CCDC149: variants seen among roughly 807,000 people sequenced by gnomAD.
CCDC149 encodes coiled-coil domain containing 149, also known as coiled-coil domain-containing protein 149.
In CCDC149, 45 loss-of-function variants were observed where a neutral mutation model predicts 59.9. The ratio of observed to expected loss-of-function variants is 0.75; its 90% CI spans 0.59 to 0.96. The LOEUF is 0.96. Among genes scored for constraint, CCDC149 ranks in the 40% least tolerant of loss-of-function variants. The pLI is 0.00. For synonymous variants in CCDC149, 245 were observed against 260.6 expected (o/e 0.94, Z 0.58); for missense variants, 584 against 664.7 (o/e 0.88, Z 1.33).
At chr4:24,881,155 A>C (rs1276921868) in intron 1 of CCDC149, among the ~76,000 whole-genome samples, 2 of 152,210 alleles carry the variant, frequency 1.3e-5, no homozygotes, top group African/African-American at 4.8e-5. Flanking sequence ...GCTGGGACTG[A>C]AGCTGCGTTT....
At chr4:24,976,719 C>CA (rs1305621242) in intron 1 of CCDC149, among the ~76,000 whole-genome samples, 4 of 151,836 alleles carry the variant, frequency 2.6e-5, no homozygotes, top group South Asian at 2.1e-4. Context: ...GACTCCCTCT[C>CA]AAAAAAACAA....
At chr4:24,820,923 T>C (rs1715350824) in intron 11 of CCDC149, 132 bp downstream of exon 11, 2 of 462,490 alleles carry the variant, frequency 4.3e-6, no homozygotes, top group Non-Finnish European at 7.0e-6. Context: ...GAATTCTCTA[T>C]TTCAATTGAC....
chr4:24,879,503 C>G (rs550862300), intron 1 of CCDC149, among the ~76,000 whole-genome samples: 244 of 137,524 alleles, frequency 1.8e-3, no homozygotes, highest in African/African-American at 6.5e-3. Flanking sequence ...GCAAAAAGAG[C>G]GAAACTCTTG....
At position 24,812,199 on chromosome 4, in the gene CCDC149, C is replaced by A. The variant is rs1714656723; in HGVS notation, c.1193-3380G>T. Among the ~76,000 whole-genome samples the A allele has an allele frequency of 2.0e-5, 3 of 152,326 alleles. No homozygotes were observed. In the South Asian group the frequency reaches 6.2e-4, roughly 32 times the overall value. The stretch of plus-strand genomic sequence containing the variant: ...ATTTTGCCATATAAGGTAACATTTA[C>A]AGGTTTCAGGGAATTGGACCTGAAA... On this transcript the variant is annotated intron_variant, in intron 12 of 12. Coordinates refer to ENST00000635206, the MANE Select transcript of CCDC149 (RefSeq NM_001330643.2).
At chr4:24,832,023 T>C (rs528814386) in intron 8 of CCDC149, among the ~76,000 whole-genome samples, 79 of 152,352 alleles carry the variant, frequency 5.2e-4, no homozygotes, top group South Asian at 3.9e-3. Context: ...GTTAAGAACA[T>C]TGGCTGAAGG....
At chr4:24,974,885 G>T (rs1370737059) in intron 1 of CCDC149, among the ~76,000 whole-genome samples, 5 of 152,036 alleles carry the variant, frequency 3.3e-5, no homozygotes, top group African/African-American at 9.7e-5. Context: ...GTTGAAAGGG[G>T]GTTGGGGGAA....
intron 1 of CCDC149, among the ~76,000 whole-genome samples, chr4:24,898,553 T>C (rs1220021761): frequency 1.3e-5 from 2 of 152,120 alleles, no homozygotes; most frequent in Non-Finnish European, 2.9e-5. Flanking sequence ...TCAAAGAGAA[T>C]CCTGGAAATG....
intron 3 of CCDC149, among the ~76,000 whole-genome samples, chr4:24,858,386 G>A (rs916580282): frequency 1.3e-5 from 2 of 152,142 alleles, no homozygotes; most frequent in Non-Finnish European, 1.5e-5. Context: ...AACATAAAAC[G>A]GTTTAAAAAG....
At chr4:24,845,135 C>G (rs1007346113) in intron 4 of CCDC149, among the ~76,000 whole-genome samples, 1 of 152,236 alleles carries the variant, frequency 6.6e-6, no homozygotes, top group African/African-American at 2.4e-5. Context: ...AGAATGTGCT[C>G]TATGTCAAGT....
At chr4:24,865,026 T>A (rs921563613) in intron 3 of CCDC149, among the ~76,000 whole-genome samples, 1 of 152,138 alleles carries the variant, frequency 6.6e-6, no homozygotes, top group Non-Finnish European at 1.5e-5. Context: ...GAAAAGTTAT[T>A]CTACACCATA....
chr4:24,939,417 A>G (rs189748821), intron 1 of CCDC149, among the ~76,000 whole-genome samples: 2 of 152,334 alleles, frequency 1.3e-5, no homozygotes, highest in East Asian at 3.9e-4. Context: ...CAAAGACCAA[A>G]GGTAGATAAA....
intron 9 of CCDC149, chr4:24,827,903 A>T (rs200376748): frequency 1.3e-5 from 2 of 152,206 alleles, no homozygotes; most frequent in African/African-American, 4.8e-5. Flanking sequence ...ATTAATTATT[A>T]TTTTTTTCTA....
At chr4:24,869,049 A>G (rs1340884692) in intron 3 of CCDC149, among the ~76,000 whole-genome samples, 1 of 152,232 alleles carries the variant, frequency 6.6e-6, no homozygotes, top group African/African-American at 2.4e-5. Flanking sequence ...TGAGCACTCA[A>G]TGACACCGGC....
chr4:24,950,116 G>A (rs780037456), intron 1 of CCDC149, among the ~76,000 whole-genome samples: 1 of 152,216 alleles, frequency 6.6e-6, no homozygotes, highest in African/African-American at 2.4e-5. Context: ...GTAGAAACTG[G>A]TAAGGACAGC....
At chr4:24,941,132 C>G (rs955585497) in intron 1 of CCDC149, among the ~76,000 whole-genome samples, 19 of 152,142 alleles carry the variant, frequency 1.2e-4, no homozygotes, top group Non-Finnish European at 7.3e-5. Context: ...CCAAATTTGA[C>G]CACATAGTTG....
At chr4:24,966,636 C>T (rs1418645292) in intron 1 of CCDC149, among the ~76,000 whole-genome samples, 2 of 152,160 alleles carry the variant, frequency 1.3e-5, no homozygotes, top group Non-Finnish European at 2.9e-5. Context: ...TCAGGGTTGA[C>T]CAAGAGAAAA....
chr4:24,956,081 T>A (rs1478868932), intron 1 of CCDC149, among the ~76,000 whole-genome samples: 5 of 152,190 alleles, frequency 3.3e-5, no homozygotes, highest in Non-Finnish European at 7.3e-5. Flanking sequence ...AGCCCAATTG[T>A]TAGACTACTG....
At chr4:24,813,489 A>AATATATCTATATCTATATCTATAT (rs1186488610) in intron 12 of CCDC149, among the ~76,000 whole-genome samples, 2 of 113,734 alleles carry the variant, frequency 1.8e-5, no homozygotes, top group African/African-American at 8.0e-5. Flanking sequence ...CAGCTTGGGG[A>AATATATCTATATCTATATCTATAT]ATATATATAT....
At chr4:24,903,818 G>C (rs1221665169) in intron 1 of CCDC149, among the ~76,000 whole-genome samples, 2 of 70,984 alleles carry the variant, frequency 2.8e-5, no homozygotes, top group African/African-American at 1.1e-4. Context: ...TTTTTTTTTT[G>C]AAACAGAGTT....
Sources: gnomAD v4.1 joint callset for allele counts (sites outside exome capture counted in the v4.1 genomes callset) on GRCh38, gnomAD v4.1.1 for gene constraint, MANE v1.5 for transcripts, NCBI Gene and HGNC (gene_info 2026-07-23, HGNC 2026-07-21) for gene names.